PRDM4: variants seen among roughly 807,000 people sequenced by gnomAD.
The protein encoded by PRDM4 is PR/SET domain 4.
Under a neutral mutation model 62.3 loss-of-function variants are expected in PRDM4, and 38 were observed. The observed-to-expected ratio is 0.61, with a 90% CI of 0.47 to 0.80. PRDM4 has a LOEUF of 0.80. Ranked by LOEUF, PRDM4 falls within the 30% of genes least tolerant of loss-of-function variation. The pLI is 0.00. For synonymous variants in PRDM4, 339 were observed against 348.2 expected, an observed-to-expected ratio of 0.97 and a Z score of 0.30; for missense variants, 858 against 997.1, an observed-to-expected ratio of 0.86 and a Z score of 1.88.
chr12:107,739,334 C>CAAAG, intron 11 of PRDM4, 49 bp downstream of exon 11: 17 of 1,585,336 alleles, frequency 1.1e-5, no homozygotes, highest in Non-Finnish European at 1.5e-5. Context: ...TGCAGCCACA[C>CAAAG]AAAGGCTCAC....
chr12:107,742,601 T>A (rs962944317), intron 8 of PRDM4: 35 of 449,934 alleles, frequency 7.8e-5, no homozygotes, highest in Non-Finnish European at 1.3e-4. Flanking sequence ...GCAAACAAGA[T>A]AAATAAAATG....
chr12:107,743,163 G>C (rs371081715), intron 8 of PRDM4, 34 bp downstream of exon 8: 2 of 1,493,124 alleles, frequency 1.3e-6, no homozygotes, highest in Non-Finnish European at 1.9e-6. Flanking sequence ...CATCTAAATG[G>C]TAACTATTTT....
At chr12:107,757,686 A>G (rs1005647715) in intron 2 of PRDM4, among the ~76,000 whole-genome samples, 2 of 152,230 alleles carry the variant, frequency 1.3e-5, no homozygotes, top group African/African-American at 2.4e-5. Flanking sequence ...ATCAAACTGC[A>G]AAACACTGCC....
At chr12:107,743,083 ATG>A (rs1890572608) in intron 8 of PRDM4, 112 bp downstream of exon 8, 6 of 831,142 alleles carry the variant, frequency 7.2e-6, no homozygotes, top group Non-Finnish European at 9.5e-6. Context: ...GGCTTTAAGT[ATG>A]TCCAGGTGTT....
At chr12:107,744,050 G>A (rs1349761034) in intron 7 of PRDM4, among the ~76,000 whole-genome samples, 2 of 152,066 alleles carry the variant, frequency 1.3e-5, no homozygotes, top group African/African-American at 4.8e-5. Flanking sequence ...GGAGGTAGAG[G>A]TGGCAGTAAG....
chr12:107,753,971 G>T lies in PRDM4; in HGVS notation c.284C>A (p.Pro95Gln). 1 of 1,614,144 alleles carries T rather than the reference G, an allele frequency of 6.2e-7. No individual in the cohort carries two copies. Among genetic ancestry groups the T allele is most frequent in the Non-Finnish European group, 8.5e-7 (1 of 1,180,022 alleles). Reference sequence around the variant, plus strand: ...ACTGCTCTCCAGGTGAGGGTAAGGTGGTGGAGGTAGGGTGTAGTTTCTTTC... The same window carrying T: ...ACTGCTCTCCAGGTGAGGGTAAGGTTGTGGAGGTAGGGTGTAGTTTCTTTC... ...LPERNYTLPPPPYPHLESSYF... is the reference protein window; with the variant it reads ...LPERNYTLPPQPYPHLESSYF... The change falls in exon 4 of 12, where the codon CCA (proline) becomes CAA (glutamine). Residue 95 changes from proline (P) to glutamine (Q), a missense_variant. Coordinates refer to ENST00000228437, the MANE Select transcript of PRDM4 (RefSeq NM_012406.4).
In PRDM4 at chr12:107,751,962, A is replaced by T; in HGVS notation, c.579T>A (p.Thr193=). ...GHEVALDTAI[T]MENVSRVTSP... ...TGGTAACCCTAGAAACGTTCTCCAT[A>T]GTGATTGCTGTGTCCAAGGCCACCT... Residue 193 remains threonine (T), a synonymous_variant, in exon 5 of 12, where the codon ACT becomes ACA. Coordinates refer to ENST00000228437, the MANE Select transcript of PRDM4 (RefSeq NM_012406.4). 6.2e-7 allele frequency: 1 copy of T among 1,614,208 alleles called. No homozygotes were observed.
intron 5 of PRDM4, among the ~76,000 whole-genome samples, chr12:107,747,508 A>ATAATTG (rs1446240616): frequency 1.3e-5 from 2 of 152,190 alleles, no homozygotes; most frequent in African/African-American, 4.8e-5. Flanking sequence ...ATTCTTGCAG[A>ATAATTG]CATTATTTGC....
At chr12:107,745,824 T>C (rs1418623014) in intron 6 of PRDM4, among the ~76,000 whole-genome samples, 1 of 152,194 alleles carries the variant, frequency 6.6e-6, no homozygotes, top group Non-Finnish European at 1.5e-5. Flanking sequence ...AATTCAAATA[T>C]GGGTAAGTAA....
chr12:107,756,976 GCACA>G lies in PRDM4; in HGVS notation c.12-15_12-12del. ...TTCATTTCATTCATCCTAGAAAAGA[GCACA>G]CACAACTAGTTATGCAAAAATTTAC... On this transcript the variant is annotated splice_polypyrimidine_tract_variant and intron_variant, in intron 2 of 11. Transcript: ENST00000228437. The G allele has an allele frequency of 6.2e-7, 1 of 1,613,506 alleles. No homozygotes were observed. The highest frequency in any genetic ancestry group is 8.5e-7 in the Non-Finnish European group (1 of 1,179,816).
In PRDM4 at chr12:107,760,721, G is replaced by A. The variant is rs562379465; in HGVS notation, c.-206C>T. ...CCCGCCACGGGTTGGGGCATCTCGG[G>A]GAACACCTGGGGCCTTCCGTCCAGA... On this transcript the variant is annotated 5_prime_UTR_variant, in exon 2 of 12. Coordinates refer to ENST00000228437, the MANE Select transcript of PRDM4 (RefSeq NM_012406.4). 5 of 588,478 alleles carry A rather than the reference G, an allele frequency of 8.5e-6. No individual in the cohort carries two copies. The highest frequency in any genetic ancestry group is 1.2e-5 in the Non-Finnish European group (4 of 335,460). The allele number at this position is 588,478 out of a possible 1,614,324, so 36.5% of individuals were successfully genotyped here.
intron 2 of PRDM4, among the ~76,000 whole-genome samples, chr12:107,759,038 G>A (rs1350252908): frequency 6.6e-6 from 1 of 152,176 alleles, no homozygotes; most frequent in Admixed American, 6.5e-5. Flanking sequence ...GGAGGCCAAG[G>A]CAGAAGGATC....
chr12:107,744,526 G>A lies in PRDM4; in HGVS notation c.1395+17C>T. 1 of 1,600,590 alleles carries A rather than the reference G, an allele frequency of 6.2e-7. No homozygotes were observed. The highest frequency in any genetic ancestry group is 2.2e-5 in the East Asian group (1 of 44,484). ...AAAAACAGCCAAAAGCCACAGAAAA[G>A]TTTCATCAGGACTGACCTTCCAGAT... On this transcript the variant is annotated intron_variant, in intron 7 of 11. Coordinates refer to ENST00000228437, the MANE Select transcript of PRDM4 (RefSeq NM_012406.4).
Position 107,734,432 on chromosome 12 carries a change from C to T in PRDM4, c.2184G>A (p.Arg728=). The T allele has an allele frequency of 1.9e-6, 3 of 1,614,094 alleles. No homozygotes were observed. The highest frequency in any genetic ancestry group is 2.5e-6 in the Non-Finnish European group (3 of 1,179,990). The change falls in exon 12 of 12, where the codon CGG becomes CGA. Residue 728 remains arginine, a synonymous_variant. Transcript: ENST00000228437. ...TTGTACATTTTTCACAGACATAATC[C>T]CGTTTTCCTTCATGAGAATTGAGAT... ...KKHLNSHEGK[R]DYVCEKCTKA...
At chr12:107,756,781 T>C (rs1891078091) in intron 3 of PRDM4, 51 bp downstream of exon 3, 3 of 1,603,448 alleles carry the variant, frequency 1.9e-6, no homozygotes, top group East Asian at 4.5e-5. Flanking sequence ...CCATTTAGAA[T>C]TGATAACAGA....
At position 107,740,941 on chromosome 12, in the gene PRDM4, C is replaced by A; in HGVS notation, c.1924+5G>T. The A allele has an allele frequency of 6.2e-7, 1 of 1,610,484 alleles. No homozygotes were observed. The highest frequency in any genetic ancestry group is 8.5e-7 in the Non-Finnish European group (1 of 1,177,544). The stretch of plus-strand genomic sequence containing the variant: ...ATTCCATTCTGATGGGCCAACACAA[C>A]TTACCTGTATGTATCTTGAGGTGGG... On this transcript the variant is annotated splice_donor_5th_base_variant and intron_variant, in intron 10 of 11. Coordinates refer to ENST00000228437, the MANE Select transcript of PRDM4 (RefSeq NM_012406.4).
intron 5 of PRDM4, among the ~76,000 whole-genome samples, chr12:107,748,907 C>T (rs1168151907): frequency 1.3e-5 from 2 of 152,106 alleles, no homozygotes; most frequent in East Asian, 1.9e-4. Flanking sequence ...TTATTTAGGC[C>T]ACCTCCTACC....
At position 107,747,691 on chromosome 12, in the gene PRDM4, G is replaced by C. The variant is rs575018331; in HGVS notation, c.1127-1267C>G. ...TTCTTTACACTTTCCACTCTGCTAA[G>C]GAACAGTATTTATGATACTATTACT... On this transcript the variant is annotated intron_variant, in intron 5 of 11. Transcript: ENST00000228437. Among the ~76,000 whole-genome samples, 37 of 152,174 alleles carry C rather than the reference G, an allele frequency of 2.4e-4. No homozygotes were observed. In the East Asian group the frequency reaches 6.4e-3, roughly 26 times the overall value.
At chr12:107,750,389 T>C (rs1463175084) in intron 5 of PRDM4, among the ~76,000 whole-genome samples, 1 of 151,894 alleles carries the variant, frequency 6.6e-6, no homozygotes, top group Non-Finnish European at 1.5e-5. Flanking sequence ...ACAAAAAATT[T>C]AAAAATTAGC....
Sources: allele counts gnomAD v4.1 joint callset (sites outside exome capture counted in the v4.1 genomes callset), GRCh38; gene constraint gnomAD v4.1.1; transcripts MANE v1.5; gene names NCBI Gene and HGNC (gene_info 2026-07-23, HGNC 2026-07-21).